The following GABRR2 variants were observed in gnomAD, a reference collection of about 807,000 sequenced individuals.
GABRR2 encodes the protein gamma-aminobutyric acid receptor subunit rho-2.
A neutral mutation model predicts 47.0 loss-of-function variants in GABRR2; 36 were observed. The ratio of observed to expected loss-of-function variants is 0.77; its 90% CI spans 0.59 to 1.01. The LOEUF (loss-of-function observed/expected upper bound fraction) is 1.01, where lower values mean the gene tolerates loss of function less well. Among genes scored for constraint, GABRR2 ranks in the 50% least tolerant of loss-of-function variants. The pLI is 0.00. For synonymous variants in GABRR2, 204 were observed against 227.5 expected (o/e 0.90, Z 0.93); for missense variants, 587 against 594.6 (o/e 0.99, Z 0.13).
intron 3 of GABRR2, 115 bp from the exon 4 acceptor site, chr6:89,269,349 G>A (rs1773990207): frequency 1.3e-6 from 1 of 795,132 alleles, no homozygotes; most frequent in African/African-American, 1.7e-5. Flanking sequence ...CAGATTCAGA[G>A]GTAACAGTTC....
At chr6:89,297,647 G>A (rs997108513) in intron 2 of GABRR2, among the ~76,000 whole-genome samples, 1 of 152,174 alleles carries the variant, frequency 6.6e-6, no homozygotes, top group Non-Finnish European at 1.5e-5. Flanking sequence ...TTGAGGTCAG[G>A]AGTTCAAGAC....
In GABRR2 at chr6:89,277,097, C is replaced by T. The variant is rs1402877373; in HGVS notation, c.221-5375G>A. On this transcript the variant is annotated intron_variant, in intron 2 of 8. Transcript: ENST00000402938. ...CTTTAATTGTAATCCTCATTATCCC[C>T]ATCATCCCCACTTGTCAGACCAGGT... is the stretch of plus-strand genomic sequence containing the variant. 2.6e-5 allele frequency among the ~76,000 whole-genome samples: 4 copies of T among 152,204 alleles called. No homozygotes were observed. In the East Asian group the frequency reaches 7.7e-4, roughly 29 times the overall value.
At chr6:89,267,907 TAAA>T in intron 5 of GABRR2, 88 bp from the exon 6 acceptor site, 1 of 1,575,320 alleles carries the variant, frequency 6.3e-7, no homozygotes, top group Middle Eastern at 1.8e-4. Flanking sequence ...AGTCCAGAAG[TAAA>T]TAGGTCTTAA....
In GABRR2 at chr6:89,268,101, A is replaced by G. The variant is rs1298926211; in HGVS notation, c.513-5T>C. ...CACATGGCAGTGACCGTAATCCTAGACAACCCAGAGTCACATATTGGCTTG... is the reference window on the plus strand; with the variant it reads ...CACATGGCAGTGACCGTAATCCTAGGCAACCCAGAGTCACATATTGGCTTG... On this transcript the variant is annotated splice_polypyrimidine_tract_variant and splice_region_variant and intron_variant, in intron 4 of 8. Coordinates refer to ENST00000402938, the MANE Select transcript of GABRR2 (RefSeq NM_002043.5). The G allele has an allele frequency of 6.2e-7, 1 of 1,604,656 alleles. No individual in the cohort carries two copies. The highest frequency in any genetic ancestry group is 1.7e-5 in the Admixed American group (1 of 58,800).
At position 89,278,605 on chromosome 6, in the gene GABRR2, T is replaced by C. The variant is rs917315172; in HGVS notation, c.221-6883A>G. Among the ~76,000 whole-genome samples, 4 of 152,296 alleles carry C rather than the reference T, an allele frequency of 2.6e-5. No individual in the cohort carries two copies. The East Asian group carries it at 7.7e-4, about 29-fold the overall frequency. ...AACTCTACCTTTCTTCTAGGGGGCT[T>C]TTCCTGAGCCCCTGGGTAAGGTTGT... is the stretch of plus-strand genomic sequence containing the variant. On this transcript the variant is annotated intron_variant, in intron 2 of 8. Transcript: ENST00000402938.
In GABRR2 at chr6:89,265,655, A is replaced by G. The variant is rs112103289; in HGVS notation, c.847T>C (p.Phe283Leu). The G allele has an allele frequency of 2.4e-5, 38 of 1,614,116 alleles. No homozygotes were observed. Among genetic ancestry groups the G allele is most frequent in the Non-Finnish European group, 5.9e-6 (7 of 1,180,052 alleles). ...GGCACAGCTCTGCGGTCGATCCAGA[A>G]GGACACCCAGGACAGCATGACCATC... ...TLMVMLSWVS[F>L]WIDRRAVPAR... The change falls in exon 7 of 9, where the codon TTC becomes CTC. Residue 283 changes from phenylalanine (F) to leucine (L), a missense_variant. Coordinates refer to ENST00000402938, the MANE Select transcript of GABRR2 (RefSeq NM_002043.5).
intron 2 of GABRR2, among the ~76,000 whole-genome samples, chr6:89,292,771 G>GTATCTCTGATAGA (rs1774481116): frequency 9.9e-5 from 4 of 40,368 alleles, no homozygotes; most frequent in East Asian, 3.2e-3. Flanking sequence ...ACGATATATC[G>GTATCTCTGATAGA]TATATATCGT....
intron 1 of GABRR2, among the ~76,000 whole-genome samples, chr6:89,300,772 A>G (rs1767408078): frequency 1.4e-5 from 2 of 140,460 alleles, no homozygotes; most frequent in African/African-American, 5.1e-5. Flanking sequence ...AAAAAGGCCC[A>G]GGACCTGATA....
intron 4 of GABRR2, 149 bp downstream of exon 4, chr6:89,268,862 T>C (rs1442721509): frequency 1.5e-6 from 1 of 662,944 alleles, no homozygotes; most frequent in Non-Finnish European, 2.6e-6. Context: ...GGCCATGTCA[T>C]GTTTAGATAG....
At chr6:89,303,026 AC>A in intron 1 of GABRR2, 1 of 1,203,160 alleles carries the variant, frequency 8.3e-7, no homozygotes. Flanking sequence ...GTGTCCGAGT[AC>A]CAGCAGTACC....
chr6:89,277,242 C>T (rs1008185089), intron 2 of GABRR2, among the ~76,000 whole-genome samples: 33 of 152,160 alleles, frequency 2.2e-4, no homozygotes, highest in Admixed American at 1.4e-3. Flanking sequence ...AGCACTTCTC[C>T]GTCCTGCTGC....
In GABRR2 at chr6:89,280,211, AATATATATATATATATATATATAT is replaced by A. The variant is rs35295435; in HGVS notation, c.221-8513_221-8490del. Among the ~76,000 whole-genome samples the A allele has an allele frequency of 3.6e-4, 40 of 110,430 alleles. 1 individual carries two copies. Among genetic ancestry groups the A allele is most frequent in the East Asian group, 8.0e-4 (3 of 3,738 alleles). The allele number at this position is 110,430 out of a possible 152,430, so 72.4% of individuals were successfully genotyped here. A position where few individuals can be genotyped will look rare whatever the true frequency, so the allele number is the denominator to read the frequency against. Reference sequence around the variant, plus strand: ...ATGACAGAGACTTAGTCTAAAAACAAATATATATATATATATATATATATATATATATATATATATATACATACA... The same window carrying A: ...ATGACAGAGACTTAGTCTAAAAACAAATATATATATATATATATACATACA... On this transcript the variant is annotated intron_variant, in intron 2 of 8. Transcript: ENST00000402938.
intron 8 of GABRR2, among the ~76,000 whole-genome samples, chr6:89,260,450 G>A (rs1348840627): frequency 6.6e-6 from 1 of 152,214 alleles, no homozygotes; most frequent in African/African-American, 2.4e-5. Context: ...GAAAGAGGAA[G>A]TGGCTCTTGG....
intron 2 of GABRR2, among the ~76,000 whole-genome samples, chr6:89,273,454 C>G (rs376445046): frequency 6.6e-6 from 1 of 152,322 alleles, no homozygotes; most frequent in Admixed American, 6.5e-5. Context: ...AGGCTGGTCT[C>G]AAACTCCTGA....
At chr6:89,276,804 TA>T (rs1774171012) in intron 2 of GABRR2, among the ~76,000 whole-genome samples, 1 of 152,202 alleles carries the variant, frequency 6.6e-6, no homozygotes, top group Non-Finnish European at 1.5e-5. Flanking sequence ...AGTCAGTATA[TA>T]AAAATCAATT....
chr6:89,291,935 C>T (rs1774448685), intron 2 of GABRR2, among the ~76,000 whole-genome samples: 1 of 152,178 alleles, frequency 6.6e-6, no homozygotes, highest in African/African-American at 2.4e-5. Context: ...AACAGCTCTC[C>T]AGCCTTTTCT....
In GABRR2 at chr6:89,257,476, A is replaced by C. The variant is rs1174226300; in HGVS notation, c.*194T>G. 1 of 591,692 alleles carries C rather than the reference A, an allele frequency of 1.7e-6. No homozygotes were observed. The highest frequency in any genetic ancestry group is 2.8e-5 in the East Asian group (1 of 35,924). The allele number at this position is 591,692 out of a possible 1,614,324, so 36.7% of individuals were successfully genotyped here. On this transcript the variant is annotated 3_prime_UTR_variant, in exon 9 of 9. Coordinates refer to ENST00000402938, the MANE Select transcript of GABRR2 (RefSeq NM_002043.5). ...GTGACGCGAGACAGCATGAACATGG[A>C]GCAGCCCCACGGGGTCTGGGGTCAG... is the stretch of plus-strand genomic sequence containing the variant.
intron 1 of GABRR2, among the ~76,000 whole-genome samples, chr6:89,310,038 A>AT (rs1582468064): frequency 6.8e-6 from 1 of 147,586 alleles, no homozygotes; most frequent in South Asian, 2.1e-4. Context: ...AACTGCTGGG[A>AT]TTACAGGCAT....
intron 2 of GABRR2, among the ~76,000 whole-genome samples, chr6:89,292,735 C>CAG (rs1774474885): frequency 2.1e-5 from 2 of 93,100 alleles, no homozygotes; most frequent in Admixed American, 1.2e-4. Context: ...TCGTATATAT[C>CAG]ATATATAATC....
Sources: gnomAD v4.1 joint callset for allele counts (sites outside exome capture counted in the v4.1 genomes callset) on GRCh38, gnomAD v4.1.1 for gene constraint, MANE v1.5 for transcripts, NCBI Gene and HGNC (gene_info 2026-07-23, HGNC 2026-07-21) for gene names.